CDC42SE2: variants seen among roughly 807,000 people sequenced by gnomAD.
CDC42SE2 encodes CDC42 small effector protein 2.
Under a neutral mutation model 11.5 loss-of-function variants are expected in CDC42SE2, and 3 were observed. The observed-to-expected ratio is 0.26, with a 90% CI of 0.12 to 0.67. CDC42SE2 has a LOEUF of 0.67. Among genes scored for constraint, CDC42SE2 ranks in the 30% least tolerant of loss-of-function variants. The pLI, the probability that CDC42SE2 is intolerant of heterozygous loss-of-function variation, is 0.80. For synonymous variants in CDC42SE2, 33 were observed against 34.8 expected (o/e 0.95, Z 0.18); for missense variants, 82 against 106.8 (o/e 0.77, Z 1.02).
At chr5:131,210,584 T>C in the CDC42SE2 span, among the ~76,000 whole-genome samples, 2 of 152,238 alleles carry the variant, frequency 1.3e-5, no homozygotes, top group African/African-American at 4.8e-5. Flanking sequence ...ACAGATAATA[T>C]TGCATTATCT....
chr5:131,384,639 A>G (rs889626014), intron 3 of CDC42SE2, among the ~76,000 whole-genome samples: 10 of 152,072 alleles, frequency 6.6e-5, no homozygotes, highest in African/African-American at 2.4e-4. Context: ...TATCTGGAAA[A>G]CTCTTAGATA....
At chr5:131,378,806 T>C (rs902564555) in intron 3 of CDC42SE2, among the ~76,000 whole-genome samples, 6 of 152,224 alleles carry the variant, frequency 3.9e-5, no homozygotes, top group African/African-American at 1.2e-4. Flanking sequence ...ATACTGACTT[T>C]TGCATAGTGC....
At chr5:131,307,876 T>C (rs1757812935) in intron 1 of CDC42SE2, among the ~76,000 whole-genome samples, 1 of 152,222 alleles carries the variant, frequency 6.6e-6, no homozygotes, top group Admixed American at 6.5e-5. Flanking sequence ...TTTTGAAAAG[T>C]GTCTGCTCAT....
chr5:131,268,535 C>T (rs1393333033), intron 1 of CDC42SE2, among the ~76,000 whole-genome samples: 3 of 151,842 alleles, frequency 2.0e-5, no homozygotes, highest in African/African-American at 7.2e-5. Flanking sequence ...TCACTGCAAC[C>T]TCCACCTCCC....
chr5:131,319,851 A>G (rs948758264), intron 2 of CDC42SE2, among the ~76,000 whole-genome samples: 1 of 151,894 alleles, frequency 6.6e-6, no homozygotes, highest in Non-Finnish European at 1.5e-5. Flanking sequence ...GGAGATTGAG[A>G]CCATCCTGGC....
chr5:131,219,166 A>G, the CDC42SE2 span, among the ~76,000 whole-genome samples: 1 of 152,208 alleles, frequency 6.6e-6, no homozygotes, highest in Non-Finnish European at 1.5e-5. Flanking sequence ...ATGTTATGCT[A>G]TGAGAAAATT....
intron 2 of CDC42SE2, among the ~76,000 whole-genome samples, chr5:131,321,022 A>G (rs142194999): frequency 6.6e-6 from 1 of 152,326 alleles, no homozygotes; most frequent in African/African-American, 2.4e-5. Context: ...CGTGTTTTGA[A>G]AGAAATGTAG....
chr5:131,315,108 G>T (rs1358801255), intron 1 of CDC42SE2, among the ~76,000 whole-genome samples: 2 of 152,050 alleles, frequency 1.3e-5, no homozygotes, highest in African/African-American at 2.4e-5. Flanking sequence ...GTGATTTGTT[G>T]AGATGACGAA....
chr5:131,306,413 T>C (rs557773063), intron 1 of CDC42SE2, among the ~76,000 whole-genome samples: 1 of 152,302 alleles, frequency 6.6e-6, no homozygotes, highest in Non-Finnish European at 1.5e-5. Context: ...CCATAATTTG[T>C]AGGTTTATTT....
rs1454893780 is a variant in CDC42SE2, at chr5:131,336,086, T to G, written c.-286+19942T>G. Reference sequence around the variant, plus strand: ...CCTTGATGATCTTTACAATTTGGCATGTTTTTGCAGTGGCTGGTACCAGTT... The same window carrying G: ...CCTTGATGATCTTTACAATTTGGCAGGTTTTTGCAGTGGCTGGTACCAGTT... On this transcript the variant is annotated intron_variant, in intron 2 of 4. Transcript: ENST00000505065. 4.3e-5 allele frequency among the ~76,000 whole-genome samples: 6 copies of G among 140,216 alleles called. No homozygotes were observed. In the East Asian group the frequency reaches 1.3e-3, roughly 30 times the overall value. 92.0% of individuals were successfully genotyped at this position (140,216 alleles called of 152,430 possible).
the CDC42SE2 span, among the ~76,000 whole-genome samples, chr5:131,224,834 CAGA>C: frequency 6.6e-6 from 1 of 151,352 alleles, no homozygotes; most frequent in Non-Finnish European, 1.5e-5. Flanking sequence ...GGAGCCAAAG[CAGA>C]AGGTCAGGCA....
upstream of CDC42SE2, among the ~76,000 whole-genome samples, chr5:131,240,881 C>T (rs183579292): frequency 2.8e-4 from 43 of 152,216 alleles, no homozygotes; most frequent in African/African-American, 9.6e-4. Flanking sequence ...CAGTGTTTAT[C>T]GATGATACAT....
intron 3 of CDC42SE2, among the ~76,000 whole-genome samples, chr5:131,359,882 A>G (rs1197442377): frequency 6.6e-6 from 1 of 152,084 alleles, no homozygotes; most frequent in Non-Finnish European, 1.5e-5. Context: ...TGGGTGGAAG[A>G]TGTGACAGCC....
chr5:131,309,840 T>A (rs1321363947), intron 1 of CDC42SE2, among the ~76,000 whole-genome samples: 3 of 152,128 alleles, frequency 2.0e-5, no homozygotes, highest in Non-Finnish European at 4.4e-5. Flanking sequence ...TCTCTCTTTT[T>A]TTCTTTATTA....
chr5:131,279,169 A>G (rs779482970), intron 1 of CDC42SE2, among the ~76,000 whole-genome samples: 1 of 152,176 alleles, frequency 6.6e-6, no homozygotes, highest in Non-Finnish European at 1.5e-5. Flanking sequence ...CAGTGGAGTT[A>G]TATCAGTGCT....
chr5:131,268,051 A>ATT (rs1756907798), intron 1 of CDC42SE2, among the ~76,000 whole-genome samples: 9 of 78,096 alleles, frequency 1.2e-4, no homozygotes, highest in East Asian at 4.1e-4. Flanking sequence ...GTACATGCTT[A>ATT]TTCTTTTTTT....
chr5:131,350,936 A>G (rs147502028), intron 2 of CDC42SE2, among the ~76,000 whole-genome samples: 28 of 151,990 alleles, frequency 1.8e-4, no homozygotes, highest in African/African-American at 6.5e-4. Flanking sequence ...ATGTTACTCA[A>G]TTATTTTATT....
intron 3 of CDC42SE2, among the ~76,000 whole-genome samples, chr5:131,376,004 C>G (rs901175640): frequency 6.6e-6 from 1 of 151,978 alleles, no homozygotes; most frequent in Non-Finnish European, 1.5e-5. Flanking sequence ...TTTAGGAGGC[C>G]AAGGTGGGTG....
chr5:131,317,778 A>G (rs1304467826), intron 2 of CDC42SE2, among the ~76,000 whole-genome samples: 1 of 152,200 alleles, frequency 6.6e-6, no homozygotes, highest in African/African-American at 2.4e-5. Context: ...AAGGAAAAAG[A>G]TAAAACCTGT....
Sources: allele counts gnomAD v4.1 joint callset (sites outside exome capture counted in the v4.1 genomes callset), GRCh38; gene constraint gnomAD v4.1.1; transcripts MANE v1.5; gene names NCBI Gene and HGNC (gene_info 2026-07-23, HGNC 2026-07-21).